The following ADCY8 variants were observed in gnomAD, a reference collection of about 807,000 sequenced individuals.
ADCY8 encodes adenylate cyclase 8.
ADCY8 carries 51 observed loss-of-function variants against 119.7 expected under a neutral mutation model. The observed-to-expected ratio is 0.43, with a 90% CI of 0.34 to 0.54. ADCY8 has a LOEUF of 0.54. Ranked by LOEUF, ADCY8 falls within the 20% of genes least tolerant of loss-of-function variation. The pLI, the probability that ADCY8 is intolerant of heterozygous loss-of-function variation, is 0.03. For missense variants in ADCY8, 1,383 were observed against 1,598.8 expected (o/e 0.87, Z 2.30); for synonymous variants, 665 against 651.0 (o/e 1.02, Z -0.33).
At chr8:131,027,443 A>G (rs1052655628) in intron 1 of ADCY8, among the ~76,000 whole-genome samples, 1 of 152,250 alleles carries the variant, frequency 6.6e-6, no homozygotes, top group Non-Finnish European at 1.5e-5. Flanking sequence ...GAATGCTAGC[A>G]TATGGGAGAA....
intron 5 of ADCY8, among the ~76,000 whole-genome samples, chr8:130,930,406 G>C (rs10956562): frequency 0.7 from 107,009 of 151,808 alleles, 38,503 homozygotes; most frequent in African/African-American, 0.85. Flanking sequence ...CACCTGCCAC[G>C]AAGCCTGGCT....
intron 9 of ADCY8, among the ~76,000 whole-genome samples, chr8:130,861,806 CTTT>C (rs934250458): frequency 3.4e-5 from 5 of 146,684 alleles, no homozygotes; most frequent in African/African-American, 7.5e-5. Context: ...TTATCTATAG[CTTT>C]TTTTTTTGGG....
chr8:130,783,018 G>C (rs760991195), intron 17 of ADCY8, among the ~76,000 whole-genome samples: 1 of 152,170 alleles, frequency 6.6e-6, no homozygotes, highest in Admixed American at 6.5e-5. Flanking sequence ...CTTTTCATAG[G>C]CCCGCATTTA....
chr8:130,858,139 C>T (rs187243334), intron 9 of ADCY8, among the ~76,000 whole-genome samples: 1 of 151,992 alleles, frequency 6.6e-6, no homozygotes, highest in East Asian at 1.9e-4. Context: ...AGCACATTTC[C>T]TGTTCCAGCC....
chr8:130,834,451 C>T (rs557366621), intron 12 of ADCY8, among the ~76,000 whole-genome samples: 20 of 152,254 alleles, frequency 1.3e-4, no homozygotes, highest in Middle Eastern at 6.8e-3. Flanking sequence ...AGAGGAAAAT[C>T]GTGTCAGTCA....
chr8:130,909,408 T>A (rs1025726502), intron 6 of ADCY8, among the ~76,000 whole-genome samples: 1 of 152,166 alleles, frequency 6.6e-6, no homozygotes, highest in Non-Finnish European at 1.5e-5. Flanking sequence ...TGGCATGGGG[T>A]CTGGACACTA....
chr8:131,040,102 G>T lies in ADCY8; in HGVS notation c.232C>A (p.His78Asn). The T allele has an allele frequency of 6.5e-7, 1 of 1,527,754 alleles. No homozygotes were observed. The highest frequency in any genetic ancestry group is 8.7e-7 in the Non-Finnish European group (1 of 1,143,832). The allele number at this position is 1,527,754 out of a possible 1,614,324, so 94.6% of individuals were successfully genotyped here. ...TCGCCTGACAGCTGCGGCGCGTGGT[G>T]GTTGGGGCCGCCGCCCGCAGGGTCC... ...ASDPAGGGPN[H>N]HAPQLSGDSA... Residue 78 changes from histidine (H) to asparagine (N), a missense_variant, in exon 1 of 18, where the codon CAC becomes AAC. By Grantham distance (68) the His-to-Asn change is moderately conservative. Around this residue, in one of 2 missense-constraint regions of ADCY8, gnomAD observed 455 missense variants for 435.3 expected, o/e 1.05. Transcript: ENST00000286355.
intron 14 of ADCY8, among the ~76,000 whole-genome samples, chr8:130,810,406 G>T (rs759856657): frequency 1.3e-5 from 2 of 149,570 alleles, no homozygotes; most frequent in Non-Finnish European, 3.0e-5. Flanking sequence ...CCATACTCCA[G>T]AGGTGGTATG....
intron 5 of ADCY8, 98 bp from the exon 6 acceptor site, chr8:130,909,964 G>A (rs549572341): frequency 3.1e-5 from 36 of 1,165,352 alleles, no homozygotes; most frequent in Non-Finnish European, 4.0e-5. Context: ...TTGAGACGGA[G>A]TTTTGCTCTG....
chr8:130,805,463 G>A (rs1468544561), intron 14 of ADCY8, among the ~76,000 whole-genome samples: 1 of 152,222 alleles, frequency 6.6e-6, no homozygotes, highest in African/African-American at 2.4e-5. Context: ...TCGTTTCACA[G>A]TGGAGGGGTA....
intron 2 of ADCY8, among the ~76,000 whole-genome samples, chr8:130,987,535 CA>C (rs1255514740): frequency 4.6e-5 from 7 of 152,076 alleles, no homozygotes; most frequent in African/African-American, 1.7e-4. Flanking sequence ...AAAAATCCCA[CA>C]AAACCCAGTC....
chr8:130,836,838 A>G (rs1023570136), intron 11 of ADCY8, among the ~76,000 whole-genome samples: 1 of 152,018 alleles, frequency 6.6e-6, no homozygotes, highest in East Asian at 1.9e-4. Context: ...GGTTCAAGCA[A>G]TTCTCCCACC....
intron 12 of ADCY8, among the ~76,000 whole-genome samples, chr8:130,824,988 T>A (rs1816629997): frequency 6.6e-6 from 1 of 152,224 alleles, no homozygotes; most frequent in Non-Finnish European, 1.5e-5. Context: ...TCTTTTGAAT[T>A]ACCCCAACTT....
chr8:130,850,819 C>T (rs1365943772), intron 9 of ADCY8, among the ~76,000 whole-genome samples: 1 of 152,180 alleles, frequency 6.6e-6, no homozygotes, highest in Non-Finnish European at 1.5e-5. Context: ...CCTTAAACTT[C>T]TTATGTATTA....
At chr8:130,823,316 G>A (rs1299084029) in intron 12 of ADCY8, among the ~76,000 whole-genome samples, 1 of 152,156 alleles carries the variant, frequency 6.6e-6, no homozygotes, top group Non-Finnish European at 1.5e-5. Flanking sequence ...TGCAGAATAT[G>A]CACAGTAAGT....
intron 9 of ADCY8, among the ~76,000 whole-genome samples, chr8:130,862,196 GC>G (rs1817954801): frequency 6.6e-6 from 1 of 151,814 alleles, no homozygotes; most frequent in African/African-American, 2.4e-5. Context: ...ATTGATTTTT[GC>G]CCTAATTGGT....
chr8:130,896,491 C>T (rs1300007732), intron 7 of ADCY8, among the ~76,000 whole-genome samples: 6 of 151,980 alleles, frequency 3.9e-5, no homozygotes, highest in Admixed American at 1.3e-4. Context: ...CCTTTAGGGG[C>T]AGAAAGAAGA....
intron 5 of ADCY8, among the ~76,000 whole-genome samples, chr8:130,917,336 T>C (rs1462589087): frequency 6.6e-6 from 1 of 152,156 alleles, no homozygotes; most frequent in Admixed American, 6.6e-5. Flanking sequence ...ATCAATGTGG[T>C]TTATTCCCAT....
At chr8:130,968,628 T>C (rs1294505853) in intron 2 of ADCY8, among the ~76,000 whole-genome samples, 2 of 152,338 alleles carry the variant, frequency 1.3e-5, no homozygotes, top group East Asian at 3.9e-4. Flanking sequence ...GCTCTTCTCA[T>C]GTAGAATAAC....
Sources: allele counts gnomAD v4.1 joint callset (sites outside exome capture counted in the v4.1 genomes callset), GRCh38; gene constraint gnomAD v4.1.1; regional missense constraint gnomAD v4.1.1; transcripts MANE v1.5; gene names NCBI Gene and HGNC (gene_info 2026-07-23, HGNC 2026-07-21).